Variants in R3HDM2 observed in about 807,000 individuals in gnomAD.
The protein encoded by R3HDM2 is R3H domain-containing protein 2.
In R3HDM2, 38 loss-of-function variants were observed where a neutral mutation model predicts 124.5. The ratio of observed to expected loss-of-function variants is 0.31; its 90% CI spans 0.24 to 0.40. R3HDM2 has a LOEUF of 0.40. Among genes scored for constraint, R3HDM2 ranks in the 10% least tolerant of loss-of-function variants. The pLI is 1.00. For synonymous variants in R3HDM2, 391 were observed against 448.0 expected (o/e 0.87, Z 1.61); for missense variants, 869 against 1,236.9 (o/e 0.70, Z 4.46).
In R3HDM2 at chr12:57,280,457, A is replaced by G; in HGVS notation, c.1245T>C (p.Cys415=). 6.2e-7 allele frequency: 1 copy of G among 1,614,116 alleles called. No individual in the cohort carries two copies. The highest frequency in any genetic ancestry group is 1.1e-5 in the South Asian group (1 of 91,080). ...GCTGCTGCTGTTGCTGCTGGGCAGT[A>G]CAAGGGAGAAGCCCCCGGACAGACT... ...SSQSVRGLLP[C]TAQQQQQQQQ... The change falls in exon 14 of 24, where the codon TGT becomes TGC. Residue 415 remains cysteine, a synonymous_variant. Coordinates refer to ENST00000402412, the MANE Select transcript of R3HDM2 (RefSeq NM_001394031.1).
chr12:57,271,312 G>C (rs1480462535), intron 14 of R3HDM2, among the ~76,000 whole-genome samples: 2 of 152,230 alleles, frequency 1.3e-5, no homozygotes, highest in East Asian at 3.8e-4. Flanking sequence ...TGGCCAGGCT[G>C]TAATTGCCTT....
At chr12:57,376,485 T>G (rs2064089680) in intron 2 of R3HDM2, among the ~76,000 whole-genome samples, 1 of 152,170 alleles carries the variant, frequency 6.6e-6, no homozygotes, top group Admixed American at 6.5e-5. Context: ...CCCTCAAAGT[T>G]CTAACAGTTT....
chr12:57,307,238 C>A (rs2052814233), intron 3 of R3HDM2, among the ~76,000 whole-genome samples: 1 of 152,108 alleles, frequency 6.6e-6, no homozygotes, highest in Non-Finnish European at 1.5e-5. Context: ...TTTGAAAGGA[C>A]CACTTAGATT....
intron 2 of R3HDM2, among the ~76,000 whole-genome samples, chr12:57,332,410 CAAAAAAAAAAA>C (rs10653446): frequency 4.9e-5 from 3 of 60,706 alleles, no homozygotes; most frequent in Non-Finnish European, 8.2e-5. Flanking sequence ...GACCCTGTCT[CAAAAAAAAAAA>C]AAAAAAAAAA....
chr12:57,420,800 CAA>C (rs2139551453), intron 1 of R3HDM2, among the ~76,000 whole-genome samples: 1 of 152,152 alleles, frequency 6.6e-6, no homozygotes, highest in African/African-American at 2.4e-5. Context: ...TTAGCTGACC[CAA>C]ACCATCACTT....
chr12:57,263,113 A>G (rs1319356825), intron 19 of R3HDM2, among the ~76,000 whole-genome samples: 2 of 152,218 alleles, frequency 1.3e-5, no homozygotes, highest in Non-Finnish European at 2.9e-5. Context: ...AGGTAATGAA[A>G]AATTCTTTTC....
intron 1 of R3HDM2, among the ~76,000 whole-genome samples, chr12:57,428,159 G>A (rs1172084629): frequency 1.3e-5 from 2 of 151,658 alleles, no homozygotes; most frequent in Admixed American, 6.6e-5. Context: ...AGACCTGAAG[G>A]AGATGAGGGG....
At chr12:57,425,708 G>A (rs894247969) in intron 1 of R3HDM2, among the ~76,000 whole-genome samples, 6 of 152,166 alleles carry the variant, frequency 3.9e-5, no homozygotes, top group African/African-American at 1.2e-4. Context: ...TGAGGCAGAA[G>A]AATCGCTTGA....
chr12:57,327,223 T>G (rs2057423084), intron 2 of R3HDM2, among the ~76,000 whole-genome samples: 1 of 152,100 alleles, frequency 6.6e-6, no homozygotes, highest in African/African-American at 2.4e-5. Context: ...TCCCAGCACT[T>G]TGGGAGGCCA....
In R3HDM2 at chr12:57,356,496, C is replaced by G. The variant is rs148793838; in HGVS notation, c.-36+39253G>C. 9.1e-3 allele frequency among the ~76,000 whole-genome samples: 1,378 copies of G among 152,242 alleles called. 12 individuals carry two copies. The highest frequency in any genetic ancestry group is 0.032 in the African/African-American group (1,338 of 41,552). ...TATCGTTGGCTTTAATTTACTAAAA[C>G]TTTGTTAAAGATTTTTGTATCCACG... On this transcript the variant is annotated intron_variant, in intron 2 of 23. Coordinates refer to ENST00000402412, the MANE Select transcript of R3HDM2 (RefSeq NM_001394031.1).
intron 2 of R3HDM2, among the ~76,000 whole-genome samples, chr12:57,381,861 A>G (rs1481634000): frequency 6.6e-6 from 1 of 152,154 alleles, no homozygotes. Flanking sequence ...TCTGAGGCCC[A>G]GGCTGGAGTG....
intron 12 of R3HDM2, 115 bp from the exon 13 acceptor site, chr12:57,284,171 GATGGACA>G: frequency 1.0e-6 from 1 of 957,460 alleles, no homozygotes; most frequent in Non-Finnish European, 1.6e-6. Flanking sequence ...TTAAAGGGAG[GATGGACA>G]CTGACTTATT....
chr12:57,385,088 G>A (rs1566436028), intron 2 of R3HDM2, among the ~76,000 whole-genome samples: 2 of 151,910 alleles, frequency 1.3e-5, no homozygotes, highest in Non-Finnish European at 2.9e-5. Flanking sequence ...GGAGGTTGCA[G>A]TGAGCAGATA....
At chr12:57,358,864 C>T (rs1051635576) in intron 2 of R3HDM2, among the ~76,000 whole-genome samples, 2 of 151,916 alleles carry the variant, frequency 1.3e-5, no homozygotes, top group Non-Finnish European at 2.9e-5. Flanking sequence ...ATCCTCCCAC[C>T]TCAGCACCCC....
chr12:57,343,186 ATTTTTTTT>A (rs760665727), intron 2 of R3HDM2, among the ~76,000 whole-genome samples: 4 of 133,948 alleles, frequency 3.0e-5, no homozygotes, highest in African/African-American at 1.2e-4. Flanking sequence ...TCGGGTCTTA[ATTTTTTTT>A]TTTTTTTTTT....
chr12:57,364,292 C>G (rs914245366), intron 2 of R3HDM2, among the ~76,000 whole-genome samples: 2 of 151,792 alleles, frequency 1.3e-5, no homozygotes, highest in Non-Finnish European at 2.9e-5. Flanking sequence ...GGATTACAGA[C>G]GCACATCACC....
At chr12:57,335,665 C>CTTTTT (rs1213483574) in intron 2 of R3HDM2, among the ~76,000 whole-genome samples, 18 of 133,402 alleles carry the variant, frequency 1.3e-4, no homozygotes, top group African/African-American at 5.0e-4. Flanking sequence ...ACCCAGCTAA[C>CTTTTT]TTTTTTTTTT....
intron 12 of R3HDM2, among the ~76,000 whole-genome samples, chr12:57,286,457 C>T (rs1392921263): frequency 1.1e-4 from 17 of 152,168 alleles, no homozygotes. Context: ...AGAAGATCAG[C>T]TTCTAATCAT....
chr12:57,384,616 T>C (rs997665959), intron 2 of R3HDM2, among the ~76,000 whole-genome samples: 1 of 152,068 alleles, frequency 6.6e-6, no homozygotes, highest in Non-Finnish European at 1.5e-5. Flanking sequence ...AAGAAAGCTA[T>C]AACATAAAGG....
Sources: gnomAD v4.1 joint callset for allele counts (sites outside exome capture counted in the v4.1 genomes callset) on GRCh38, gnomAD v4.1.1 for gene constraint, MANE v1.5 for transcripts, NCBI Gene and HGNC (gene_info 2026-07-23, HGNC 2026-07-21) for gene names.